Variants in STOML3 observed in about 807,000 individuals in gnomAD.
The protein encoded by STOML3 is stomatin-like protein 3.
A neutral mutation model predicts 29.5 loss-of-function variants in STOML3; 31 were observed. The ratio of observed to expected loss-of-function variants is 1.05; its 90% CI spans 0.79 to 1.42. STOML3 has a LOEUF of 1.42. Among genes scored for constraint, STOML3 ranks in the 40% most tolerant of loss-of-function variants. The pLI is 0.00. For synonymous variants in STOML3, 122 were observed against 139.8 expected (o/e 0.87, Z 0.90); for missense variants, 380 against 363.0 (o/e 1.05, Z -0.38).
chr13:38,968,546 T>C lies in STOML3; in HGVS notation c.517-12A>G, dbSNP rs756179711. The C allele has an allele frequency of 1.3e-5, 21 of 1,613,714 alleles. No homozygotes were observed. Among genetic ancestry groups the C allele is most frequent in the Non-Finnish European group, 1.7e-5 (20 of 1,179,728 alleles). On this transcript the variant is annotated splice_polypyrimidine_tract_variant and intron_variant, in intron 5 of 6. Transcript: ENST00000379631. The stretch of plus-strand genomic sequence containing the variant: ...TCATCAAGTAAAGTCTGTTTCCAAA[T>C]TAAAAGGGAAGACTAATAAGAAAGA...
chr13:38,989,901 TACAC>T (rs1338004952), intron 1 of STOML3, among the ~76,000 whole-genome samples: 1 of 151,898 alleles, frequency 6.6e-6, no homozygotes, highest in Non-Finnish European at 1.5e-5. Flanking sequence ...GGTTAGGTCA[TACAC>T]ACACGCACAC....
chr13:38,969,760 A>C (rs1448965797), intron 5 of STOML3, among the ~76,000 whole-genome samples: 1 of 152,182 alleles, frequency 6.6e-6, no homozygotes, highest in Non-Finnish European at 1.5e-5. Context: ...AAGAATTTCT[A>C]GAGATGATAG....
chr13:38,966,886 A>G lies in STOML3; in HGVS notation c.815T>C (p.Ile272Thr), dbSNP rs894507850. The change falls in exon 7 of 7, where the codon ATA (isoleucine) becomes ACA (threonine). Residue 272 changes from isoleucine (I) to threonine (T), a missense_variant. Ile to Thr is a moderately conservative substitution (Grantham distance 89). Transcript: ENST00000379631. ...GCTGACGCCACCAATGCCCTCTAGT[A>G]TATTCATGGGCAGAGGAAACACAAT... is the stretch of plus-strand genomic sequence containing the variant. ...STIVFPLPMN[I>T]LEGIGGVSYD... The G allele has an allele frequency of 4.3e-6, 7 of 1,613,788 alleles. No individual in the cohort carries two copies. The African/African-American group carries it at 9.4e-5, about 22-fold the overall frequency.
intron 1 of STOML3, among the ~76,000 whole-genome samples, chr13:38,979,434 G>A (rs569386692): frequency 8.6e-5 from 13 of 151,970 alleles, no homozygotes; most frequent in Middle Eastern, 3.4e-3. Flanking sequence ...TGTAGTTACC[G>A]GTTTGGTGTG....
At position 38,966,501 on chromosome 13, in the gene STOML3, A is replaced by G. The variant is rs1232011729; in HGVS notation, c.*324T>C. 1 of 195,106 alleles carries G rather than the reference A, an allele frequency of 5.1e-6. No individual in the cohort carries two copies. Among genetic ancestry groups the G allele is most frequent in the African/African-American group, 2.3e-5 (1 of 43,022 alleles). The allele number at this position is 195,106 out of a possible 1,614,324, so 12.1% of individuals were successfully genotyped here. On this transcript the variant is annotated 3_prime_UTR_variant, in exon 7 of 7. Transcript: ENST00000379631. Reference sequence around the variant, plus strand: ...TTAAAACAATTAAAAAGTAATTCTGAAACATTAGTCATAGTCACCCAATGA... The same window carrying G: ...TTAAAACAATTAAAAAGTAATTCTGGAACATTAGTCATAGTCACCCAATGA...
chr13:38,982,195 T>C (rs1007468160), intron 1 of STOML3, among the ~76,000 whole-genome samples: 23 of 152,092 alleles, frequency 1.5e-4, no homozygotes, highest in African/African-American at 5.6e-4. Flanking sequence ...GACGGGCTTC[T>C]TCCTGACCCT....
At chr13:38,980,566 T>TG (rs57808874) in intron 1 of STOML3, among the ~76,000 whole-genome samples, 29,587 of 152,078 alleles carry the variant, frequency 0.19, 3,168 homozygotes, top group African/African-American at 0.29. Flanking sequence ...ACAACACCTT[T>TG]TTGGTCACTA....
At chr13:38,976,516 G>A in intron 3 of STOML3, 24 bp downstream of exon 3, 1 of 1,613,500 alleles carries the variant, frequency 6.2e-7, no homozygotes, top group Non-Finnish European at 8.5e-7. Context: ...GATCTTTCAG[G>A]GGCAGCCACC....
At chr13:38,987,484 C>A (rs1241950109) in intron 1 of STOML3, among the ~76,000 whole-genome samples, 3 of 151,352 alleles carry the variant, frequency 2.0e-5, no homozygotes, top group African/African-American at 7.3e-5. Context: ...AGAGCAAGAC[C>A]CCATCTCTAA....
intron 1 of STOML3, among the ~76,000 whole-genome samples, chr13:38,989,496 C>CTTTA (rs1243034917): frequency 2.0e-5 from 3 of 151,336 alleles, no homozygotes; most frequent in African/African-American, 7.3e-5. Flanking sequence ...TTTTTTCTTT[C>CTTTA]TTTATTCCAT....
rs144989179 is a variant in STOML3, at chr13:38,970,406, G to A, written c.313-18C>T. 1.9e-4 allele frequency: 312 copies of A among 1,604,968 alleles called. 4 individuals carry two copies. In the Middle Eastern group the frequency reaches 3.3e-3, roughly 17 times the overall value. ...GTGAGGATCTGTGGAGTAAGAACAG[G>A]GCAAAATCACTTATTTATGACTTTC... On this transcript the variant is annotated intron_variant, in intron 4 of 6. Coordinates refer to ENST00000379631, the MANE Select transcript of STOML3 (RefSeq NM_145286.3).
chr13:38,974,935 A>G (rs1881014263), intron 3 of STOML3, among the ~76,000 whole-genome samples: 1 of 152,192 alleles, frequency 6.6e-6, no homozygotes, highest in Non-Finnish European at 1.5e-5. Flanking sequence ...GTTATACCTC[A>G]GTTGAATGAC....
chr13:38,971,212 T>A (rs1880854460), intron 4 of STOML3, among the ~76,000 whole-genome samples: 1 of 152,094 alleles, frequency 6.6e-6, no homozygotes, highest in African/African-American at 2.4e-5. Flanking sequence ...TTTGTATTTT[T>A]AGTAGAGATG....
rs778928346 is a variant in STOML3, at chr13:38,970,288, T to G, written c.413A>C (p.Gln138Pro). 1 of 1,614,208 alleles carries G rather than the reference T, an allele frequency of 6.2e-7. No individual in the cohort carries two copies. Among genetic ancestry groups the G allele is most frequent in the South Asian group, 1.1e-5 (1 of 91,080 alleles). The change falls in exon 5 of 7, where the codon CAA (glutamine) becomes CCA (proline). Residue 138 changes from glutamine to proline, a missense_variant. Physicochemically the swap from Gln to Pro is moderately conservative, Grantham distance 76. Coordinates refer to ENST00000379631, the MANE Select transcript of STOML3 (RefSeq NM_145286.3). The part of the protein sequence containing the change: ...SAVANVNDVH[Q>P]ATFLLAQTTL... Reference sequence around the variant, plus strand: ...GGTTTGAGCCAGCAGAAATGTTGCTTGATGGACATCGTTGACATTAGCCAC... The same window carrying G: ...GGTTTGAGCCAGCAGAAATGTTGCTGGATGGACATCGTTGACATTAGCCAC...
chr13:38,969,650 C>G (rs868133313), intron 5 of STOML3, among the ~76,000 whole-genome samples: 3 of 152,102 alleles, frequency 2.0e-5, no homozygotes, highest in Non-Finnish European at 2.9e-5. Context: ...TGTCCATAAA[C>G]TCGTGTGTGT....
At chr13:38,980,941 A>T (rs1195817623) in intron 1 of STOML3, among the ~76,000 whole-genome samples, 3 of 152,202 alleles carry the variant, frequency 2.0e-5, no homozygotes, top group Non-Finnish European at 2.9e-5. Flanking sequence ...CTGGTGAAAT[A>T]TGTGGAGACT....
intron 4 of STOML3, among the ~76,000 whole-genome samples, chr13:38,971,424 G>A (rs1182274243): frequency 6.6e-6 from 1 of 152,138 alleles, no homozygotes; most frequent in African/African-American, 2.4e-5. Context: ...GAACCAGACA[G>A]AAGAAAATTA....
intron 1 of STOML3, among the ~76,000 whole-genome samples, chr13:38,988,662 T>C (rs1423869791): frequency 7.3e-6 from 1 of 136,548 alleles, no homozygotes; most frequent in Non-Finnish European, 1.5e-5. Flanking sequence ...ATATATATTA[T>C]ATATTGAAAT....
chr13:38,988,657 T>C (rs1402410766), intron 1 of STOML3, among the ~76,000 whole-genome samples: 1 of 135,132 alleles, frequency 7.4e-6, no homozygotes, highest in Non-Finnish European at 1.5e-5. Context: ...ATTTTATATA[T>C]ATTATATATT....
Sources: gnomAD v4.1 joint callset for allele counts (sites outside exome capture counted in the v4.1 genomes callset) on GRCh38, gnomAD v4.1.1 for gene constraint, MANE v1.5 for transcripts, NCBI Gene and HGNC (gene_info 2026-07-23, HGNC 2026-07-21) for gene names.